Variants in ENTPD1 observed in about 807,000 individuals in gnomAD.
ENTPD1 encodes ATP diphosphohydrolase.
Under a neutral mutation model 57.0 loss-of-function variants are expected in ENTPD1, and 33 were observed. The ratio of observed to expected loss-of-function variants is 0.58; its 90% CI spans 0.44 to 0.77. ENTPD1 has a LOEUF of 0.77. ENTPD1 is among the 30% of genes least tolerant of loss of function. ENTPD1 has a pLI of 0.00. For synonymous variants in ENTPD1, 202 were observed against 218.8 expected (o/e 0.92, Z 0.68); for missense variants, 501 against 603.4 (o/e 0.83, Z 1.78).
Position 95,873,339 on chromosome 10 carries a change from GTTTCT to G in ENTPD1, c.*6960_*6964del, listed in dbSNP as rs1407124341. 3.6e-5 allele frequency: 35 copies of G among 985,362 alleles called. No homozygotes were observed. In the South Asian group the frequency reaches 1.5e-3, roughly 42 times the overall value. The allele number at this position is 985,362 out of a possible 1,614,324, so 61.0% of individuals were successfully genotyped here. On this transcript the variant is annotated 3_prime_UTR_variant, in exon 10 of 10. Coordinates refer to ENST00000371205, the MANE Select transcript of ENTPD1 (RefSeq NM_001776.6). ...ACTCCTCTTATACAACAATCCAAGT[GTTTCT>G]TTTGTCAGTTGTCTGTGCCCCAGGA...
At chr10:95,773,856 G>C (rs144839174) in intron 1 of ENTPD1, among the ~76,000 whole-genome samples, 2,535 of 152,254 alleles carry the variant, frequency 0.017, 48 homozygotes, top group Non-Finnish European at 0.022. Flanking sequence ...CCCAGTAATG[G>C]GATTGCTGGG....
rs1413411676 is a variant in ENTPD1, at chr10:95,867,919, A to G, written c.*1536A>G. 4 of 985,366 alleles carry G rather than the reference A, an allele frequency of 4.1e-6. No homozygotes were observed. In the African/African-American group the frequency reaches 7.0e-5, roughly 17 times the overall value. The allele number at this position is 985,366 out of a possible 1,614,324, so 61.0% of individuals were successfully genotyped here. On this transcript the variant is annotated 3_prime_UTR_variant, in exon 10 of 10. Transcript: ENST00000371205. ...ATAAAGCTGTGGAAAGGAACTCTTA[A>G]TCTTCTTTTCTGCTACTTAGGTTAA...
chr10:95,872,894 T>C lies in ENTPD1; in HGVS notation c.*6511T>C, dbSNP rs2098482059. 14 of 985,342 alleles carry C rather than the reference T, an allele frequency of 1.4e-5. No individual in the cohort carries two copies. The South Asian group carries it at 6.1e-4, about 43-fold the overall frequency. 61.0% of individuals were successfully genotyped at this position (985,342 alleles called of 1,614,324 possible). A position where few individuals can be genotyped will look rare whatever the true frequency, so the allele number is the denominator to read the frequency against. Reference sequence around the variant, plus strand: ...CCCTAGCCACATGGAACTTTTCCTTTTTGGAACATGCCTTTAGTTTCTGTG... The same window carrying C: ...CCCTAGCCACATGGAACTTTTCCTTCTTGGAACATGCCTTTAGTTTCTGTG... On this transcript the variant is annotated 3_prime_UTR_variant, in exon 10 of 10. Transcript: ENST00000371205.
chr10:95,852,962 G>C (rs2098448087), intron 7 of ENTPD1, among the ~76,000 whole-genome samples: 1 of 152,078 alleles, frequency 6.6e-6, no homozygotes, highest in South Asian at 2.1e-4. Context: ...TTCCAATTCT[G>C]TGAAGAAAGT....
the ENTPD1 span, among the ~76,000 whole-genome samples, chr10:95,705,133 G>C: frequency 6.6e-6 from 1 of 152,084 alleles, no homozygotes; most frequent in African/African-American, 2.4e-5. Context: ...GGAGGATATG[G>C]AGTTACTGGA....
intron 1 of ENTPD1, among the ~76,000 whole-genome samples, chr10:95,795,883 T>C (rs1030401020): frequency 6.6e-6 from 1 of 152,212 alleles, no homozygotes; most frequent in African/African-American, 2.4e-5. Flanking sequence ...AACATGGCAT[T>C]TGAGTCTACT....
At position 95,873,520 on chromosome 10, in the gene ENTPD1, G is replaced by T. The variant is rs371137108; in HGVS notation, c.*7137G>T. The T allele has an allele frequency of 1.0e-6, 1 of 985,312 alleles. No individual in the cohort carries two copies. 61.0% of individuals were successfully genotyped at this position (985,312 alleles called of 1,614,324 possible). ...TATTACCTCCATGCTCTCAGTAGAGGCCCATAGGAAAGAGTAGGTAGGTTA... is the reference window on the plus strand; with the variant it reads ...TATTACCTCCATGCTCTCAGTAGAGTCCCATAGGAAAGAGTAGGTAGGTTA... On this transcript the variant is annotated 3_prime_UTR_variant, in exon 10 of 10. Coordinates refer to ENST00000371205, the MANE Select transcript of ENTPD1 (RefSeq NM_001776.6).
intron 8 of ENTPD1, among the ~76,000 whole-genome samples, chr10:95,862,699 C>T (rs1467430013): frequency 6.6e-6 from 1 of 152,126 alleles, no homozygotes; most frequent in Admixed American, 6.6e-5. Flanking sequence ...CTTTCAGCAG[C>T]CAGAACACAG....
chr10:95,873,672 C>A lies in ENTPD1; in HGVS notation c.*7289C>A. 3 of 985,348 alleles carry A rather than the reference C, an allele frequency of 3.0e-6. No individual in the cohort carries two copies. Among genetic ancestry groups the A allele is most frequent in the Non-Finnish European group, 3.6e-6 (3 of 829,878 alleles). The allele number at this position is 985,348 out of a possible 1,614,324, so 61.0% of individuals were successfully genotyped here. ...AACAGCTAATCATGTTCAATAGTTA[C>A]ATTTAGATTGGTTTTTAAAAACTAT... is the stretch of plus-strand genomic sequence containing the variant. On this transcript the variant is annotated 3_prime_UTR_variant, in exon 10 of 10. Transcript: ENST00000371205.
intron 1 of ENTPD1, among the ~76,000 whole-genome samples, chr10:95,746,193 C>A (rs1185913097): frequency 6.6e-6 from 1 of 152,176 alleles, no homozygotes; most frequent in East Asian, 1.9e-4. Flanking sequence ...TTTGTTTAAT[C>A]TGAACATAGA....
intron 1 of ENTPD1, among the ~76,000 whole-genome samples, chr10:95,737,932 C>T (rs947281391): frequency 3.3e-5 from 5 of 152,054 alleles, no homozygotes; most frequent in Non-Finnish European, 5.9e-5. Flanking sequence ...GACTTGTAAA[C>T]GTATCATGCT....
At chr10:95,845,923 G>C (rs995361918) in intron 6 of ENTPD1, 2 of 354,212 alleles carry the variant, frequency 5.6e-6, no homozygotes, top group Admixed American at 8.5e-5. Flanking sequence ...CAATTTATAA[G>C]CTCTTTTAGA....
Position 95,871,979 on chromosome 10 carries a change from C to T in ENTPD1, c.*5596C>T, listed in dbSNP as rs2098480948. On this transcript the variant is annotated 3_prime_UTR_variant, in exon 10 of 10. Coordinates refer to ENST00000371205, the MANE Select transcript of ENTPD1 (RefSeq NM_001776.6). ...CTGAACTCTACCATTACTCCTAACC[C>T]AGTTCCTCCTCCTGTGTTTTACATG... 1.0e-6 allele frequency: 1 copy of T among 985,410 alleles called. No individual in the cohort carries two copies. The highest frequency in any genetic ancestry group is 1.2e-6 in the Non-Finnish European group (1 of 829,922). The allele number at this position is 985,410 out of a possible 1,614,324, so 61.0% of individuals were successfully genotyped here. A position where few individuals can be genotyped will look rare whatever the true frequency, so the allele number is the denominator to read the frequency against.
chr10:95,708,425 G>A (rs2097963402), upstream of ENTPD1, among the ~76,000 whole-genome samples: 1 of 151,868 alleles, frequency 6.6e-6, no homozygotes, highest in Non-Finnish European at 1.5e-5. Flanking sequence ...TGTTGGCCTG[G>A]ATGGTCTCAA....
intron 1 of ENTPD1, among the ~76,000 whole-genome samples, chr10:95,758,016 A>AAAAAAAAAAAAAAAAAAAAAAAAAAAC (rs2098036815): frequency 7.0e-6 from 1 of 142,668 alleles, no homozygotes; most frequent in Non-Finnish European, 1.5e-5. Context: ...AAAAAAAAAA[A>AAAAAAAAAAAAAAAAAAAAAAAAAAAC]AAAAAAAAAA....
At chr10:95,725,535 G>T (rs2097982709) in intron 1 of ENTPD1, among the ~76,000 whole-genome samples, 1 of 152,078 alleles carries the variant, frequency 6.6e-6, no homozygotes, top group Non-Finnish European at 1.5e-5. Context: ...CTTCTCTGTG[G>T]TGTGTAGCTA....
chr10:95,806,357 C>A (rs555316470), intron 1 of ENTPD1, among the ~76,000 whole-genome samples: 1 of 152,190 alleles, frequency 6.6e-6, no homozygotes, highest in Non-Finnish European at 1.5e-5. Context: ...CATTTAAGGT[C>A]TTTTCTACAC....
chr10:95,760,731 C>G (rs1272458068), intron 1 of ENTPD1, among the ~76,000 whole-genome samples: 1 of 149,480 alleles, frequency 6.7e-6, no homozygotes, highest in African/African-American at 2.5e-5. Flanking sequence ...AGTGTTTAAT[C>G]GCACCAACTA....
In ENTPD1 at chr10:95,867,194, G is replaced by A; in HGVS notation, c.*811G>A. The A allele has an allele frequency of 4.1e-6, 4 of 984,942 alleles. No individual in the cohort carries two copies. The highest frequency in any genetic ancestry group is 4.8e-6 in the Non-Finnish European group (4 of 829,554). 61.0% of individuals were successfully genotyped at this position (984,942 alleles called of 1,614,324 possible). On this transcript the variant is annotated 3_prime_UTR_variant, in exon 10 of 10. Transcript: ENST00000371205. The stretch of plus-strand genomic sequence containing the variant: ...GGTCACAAAAAATGCATCTTCCAAT[G>A]CATATTTTTATTATGGTAAAATATA...
Sources: gnomAD v4.1 joint callset for allele counts (sites outside exome capture counted in the v4.1 genomes callset) on GRCh38, gnomAD v4.1.1 for gene constraint, MANE v1.5 for transcripts, NCBI Gene and HGNC (gene_info 2026-07-23, HGNC 2026-07-21) for gene names.